MICAL3: variants seen among roughly 807,000 people sequenced by gnomAD.
The protein encoded by MICAL3 is [F-actin]-monooxygenase MICAL3.
Under a neutral mutation model 207.4 loss-of-function variants are expected in MICAL3, and 62 were observed. That is an observed-to-expected ratio of 0.30 (90% CI 0.24 to 0.37). The LOEUF (loss-of-function observed/expected upper bound fraction) is 0.37. Ranked by LOEUF, MICAL3 falls within the 10% of genes least tolerant of loss-of-function variation. MICAL3 has a pLI of 1.00. For synonymous variants in MICAL3, 1,077 were observed against 1,069.3 expected (o/e 1.01, Z -0.14); for missense variants, 2,368 against 2,635.6 (o/e 0.90, Z 2.22).
chr22:17,980,815 C>T, intron 1 of MICAL3: 1 of 500,032 alleles, frequency 2.0e-6, no homozygotes, highest in South Asian at 1.4e-5. Context: ...TCTGCCTCAG[C>T]CTCGCCCAGA....
At chr22:17,916,302 T>C (rs566322314) in intron 1 of MICAL3, among the ~76,000 whole-genome samples, 2 of 152,170 alleles carry the variant, frequency 1.3e-5, no homozygotes, top group East Asian at 3.9e-4. Flanking sequence ...CTGTCCCCGT[T>C]CTTACTCAAG....
chr22:18,006,060 T>C (rs1923365480), intron 1 of MICAL3: 1 of 152,194 alleles, frequency 6.6e-6, no homozygotes, highest in South Asian at 2.1e-4. Context: ...TAATTCTCAC[T>C]CCCATAGCTC....
chr22:17,823,621 A>G (rs955254174), intron 22 of MICAL3, among the ~76,000 whole-genome samples: 1 of 152,156 alleles, frequency 6.6e-6, no homozygotes, highest in Admixed American at 6.5e-5. Context: ...TTCATGCATA[A>G]AATTATTAAA....
intron 27 of MICAL3, chr22:17,813,495 C>T (rs1448824769): frequency 6.6e-6 from 1 of 152,252 alleles, no homozygotes; most frequent in Non-Finnish European, 1.5e-5. Context: ...TGTGTCCCGC[C>T]TGCCTCAGGT....
chr22:17,960,038 G>C (rs1934825857), intron 1 of MICAL3, among the ~76,000 whole-genome samples: 1 of 152,210 alleles, frequency 6.6e-6, no homozygotes, highest in Non-Finnish European at 1.5e-5. Context: ...AGCAAAAGGA[G>C]GCTTCTCTCT....
chr22:17,878,601 T>C (rs574097348), intron 16 of MICAL3, among the ~76,000 whole-genome samples: 5 of 152,312 alleles, frequency 3.3e-5, no homozygotes, highest in Non-Finnish European at 5.9e-5. Context: ...AAAATGGCTT[T>C]TGTGAGATTA....
intron 1 of MICAL3, among the ~76,000 whole-genome samples, chr22:17,937,928 A>G (rs947047337): frequency 6.6e-6 from 1 of 152,248 alleles, no homozygotes; most frequent in East Asian, 1.9e-4. Flanking sequence ...ACCTTCTGGC[A>G]AACAGTTATA....
chr22:17,878,675 A>G (rs1382394678), intron 16 of MICAL3, among the ~76,000 whole-genome samples: 1 of 152,200 alleles, frequency 6.6e-6, no homozygotes, highest in East Asian at 1.9e-4. Flanking sequence ...CTTTAAGGGT[A>G]GGAATAACAA....
intron 1 of MICAL3, among the ~76,000 whole-genome samples, chr22:18,021,081 G>C (rs1924444224): frequency 6.6e-6 from 1 of 152,222 alleles, no homozygotes; most frequent in Non-Finnish European, 1.5e-5. Flanking sequence ...GTCCCACTCT[G>C]AGTTTAGGTA....
chr22:17,861,477 G>A (rs1926509909), intron 19 of MICAL3: 3 of 985,440 alleles, frequency 3.0e-6, no homozygotes, highest in Non-Finnish European at 1.2e-6. Flanking sequence ...TTCCGGCTAT[G>A]CCTTCGGCTT....
intron 1 of MICAL3, among the ~76,000 whole-genome samples, chr22:17,971,491 A>G (rs1935410828): frequency 6.6e-6 from 1 of 152,124 alleles, no homozygotes; most frequent in East Asian, 1.9e-4. Context: ...AAACAAACAA[A>G]CAAAAAACCT....
chr22:17,988,530 C>A (rs1161962915), intron 1 of MICAL3, among the ~76,000 whole-genome samples: 1 of 152,254 alleles, frequency 6.6e-6, no homozygotes, highest in African/African-American at 2.4e-5. Flanking sequence ...TCTTGGCTCA[C>A]TGCAACCTCC....
chr22:17,996,900 T>G (rs1475599950), intron 1 of MICAL3, among the ~76,000 whole-genome samples: 1 of 152,176 alleles, frequency 6.6e-6, no homozygotes, highest in Non-Finnish European at 1.5e-5. Flanking sequence ...CCAAGTGCCA[T>G]GCCTCCAGTT....
Position 17,796,702 on chromosome 22 carries a change from CTCG to C in MICAL3, c.5651-5404_5651-5402del, listed in dbSNP as rs2061879963. 6.6e-6 allele frequency among the ~76,000 whole-genome samples: 1 copy of C among 152,196 alleles called. No homozygotes were observed. The highest frequency in any genetic ancestry group is 2.4e-5 in the African/African-American group (1 of 41,454). ...AGGGAGGCCCGATGTCCCTTCCTGCCTCGTCTTCTGAAGAGGCCCTGAGAGGGT... is the reference window on the plus strand; with the variant it reads ...AGGGAGGCCCGATGTCCCTTCCTGCCTCTTCTGAAGAGGCCCTGAGAGGGT... On this transcript the variant is annotated intron_variant, in intron 29 of 31. Transcript: ENST00000441493. This position sits in a 1 kb window ranked among gnomAD's most constrained non-coding sequence, Gnocchi z 4.4.
intron 1 of MICAL3, among the ~76,000 whole-genome samples, chr22:17,980,279 GAA>G (rs1935848598): frequency 6.6e-6 from 1 of 152,200 alleles, no homozygotes; most frequent in Admixed American, 6.5e-5. Context: ...GATAAACTGG[GAA>G]ATAAAGACGG....
chr22:17,802,295 G>A (rs1040451381), intron 29 of MICAL3, among the ~76,000 whole-genome samples: 16 of 152,252 alleles, frequency 1.1e-4, no homozygotes, highest in African/African-American at 3.9e-4. Flanking sequence ...AAACTCCTGG[G>A]CTCAAATGAT....
At chr22:17,985,442 A>G (rs8139578) in intron 1 of MICAL3, among the ~76,000 whole-genome samples, 40,997 of 151,756 alleles carry the variant, frequency 0.27, 5,928 homozygotes, top group Middle Eastern at 0.38. Flanking sequence ...CTTGCCTTGC[A>G]GATTCCACAA....
At chr22:17,861,830 G>C (rs1926544183) in intron 19 of MICAL3, 1 of 985,266 alleles carries the variant, frequency 1.0e-6, no homozygotes, top group African/African-American at 1.7e-5. Flanking sequence ...CACTAAATTA[G>C]GCAGCAGGTA....
intron 9 of MICAL3, among the ~76,000 whole-genome samples, chr22:17,895,854 G>A (rs1227098465): frequency 1.3e-5 from 2 of 152,076 alleles, no homozygotes; most frequent in African/African-American, 4.8e-5. Flanking sequence ...AATTCTTCTG[G>A]TTAAGGCATT....
Sources: gnomAD v4.1 joint callset for allele counts (sites outside exome capture counted in the v4.1 genomes callset) on GRCh38, gnomAD v4.1.1 for gene constraint, Gnocchi (gnomAD v3.1) non-coding constraint, MANE v1.5 for transcripts, NCBI Gene and HGNC (gene_info 2026-07-23, HGNC 2026-07-21) for gene names.